Variants in SLFN5 observed in about 807,000 individuals in gnomAD.
SLFN5 encodes schlafen family member 5.
Under a neutral mutation model 48.5 loss-of-function variants are expected in SLFN5, and 34 were observed. The observed-to-expected ratio is 0.70, with a 90% CI of 0.53 to 0.93. The LOEUF is 0.93. Ranked by LOEUF, SLFN5 falls within the 40% of genes least tolerant of loss-of-function variation. The pLI is 0.00. For synonymous variants in SLFN5, 387 were observed against 396.2 expected (o/e 0.98, Z 0.28); for missense variants, 1,006 against 1,071.3 (o/e 0.94, Z 0.85).
At chr17:35,252,971 A>T (rs2092445792) in intron 1 of SLFN5, among the ~76,000 whole-genome samples, 1 of 151,934 alleles carries the variant, frequency 6.6e-6, no homozygotes, top group South Asian at 2.1e-4. Flanking sequence ...CTCTCATTTT[A>T]GATATTGTCT....
chr17:35,265,202 A>G lies in SLFN5; in HGVS notation c.1990A>G (p.Lys664Glu), dbSNP rs1321520106. ...FRTEDGDWYGKAKFITQTARD... is the reference protein window; with the variant it reads ...FRTEDGDWYGEAKFITQTARD... The stretch of plus-strand genomic sequence containing the variant: ...TACTGAAGATGGGGACTGGTATGGG[A>G]AAGCAAAGTTCATCACTCAGACAGC... The change falls in exon 5 of 5, where the codon AAA becomes GAA. Residue 664 changes from lysine to glutamate, a missense_variant. By Grantham distance (56) the Lys-to-Glu change is moderately conservative (BLOSUM62 1). Coordinates refer to ENST00000299977, the MANE Select transcript of SLFN5 (RefSeq NM_144975.4). The G allele has an allele frequency of 5.0e-6, 8 of 1,614,090 alleles. No individual in the cohort carries two copies. The highest frequency in any genetic ancestry group is 1.1e-5 in the South Asian group (1 of 91,090).
At chr17:35,247,396 A>G (rs1478883815) in intron 1 of SLFN5, among the ~76,000 whole-genome samples, 1 of 152,140 alleles carries the variant, frequency 6.6e-6, no homozygotes, top group African/African-American at 2.4e-5. Flanking sequence ...GTTCTCATCC[A>G]GGCAGACTTC....
intron 1 of SLFN5, among the ~76,000 whole-genome samples, chr17:35,254,069 A>G (rs1431519787): frequency 6.6e-6 from 1 of 152,142 alleles, no homozygotes; most frequent in East Asian, 1.9e-4. Context: ...ATCATTTTTT[A>G]TCAGAACAAT....
In SLFN5 at chr17:35,258,993, A is replaced by G. The variant is rs1904433633; in HGVS notation, c.303A>G (p.Ser101=). The change falls in exon 2 of 5, where the codon TCA becomes TCG. Residue 101 remains serine (S), a synonymous_variant. Coordinates refer to ENST00000299977, the MANE Select transcript of SLFN5 (RefSeq NM_144975.4). The part of the protein sequence containing the change: ...KENHFLIFVK[S]WNTEAGVPLA... ...ACCACTTTTTGATTTTTGTGAAATC[A>G]TGGAACACAGAGGCTGGTGTGCCAC... 2 of 1,614,120 alleles carry G rather than the reference A, an allele frequency of 1.2e-6. No individual in the cohort carries two copies. The highest frequency in any genetic ancestry group is 1.3e-5 in the African/African-American group (1 of 74,946).
chr17:35,243,351 C>T (rs908429408), intron 1 of SLFN5, among the ~76,000 whole-genome samples: 1 of 152,264 alleles, frequency 6.6e-6, no homozygotes, highest in Admixed American at 6.5e-5. Flanking sequence ...GGCAGAGGAC[C>T]CGGGAGCTGG....
At position 35,259,439 on chromosome 17, in the gene SLFN5, G is replaced by T; in HGVS notation, c.749G>T (p.Ser250Ile). 1 of 1,614,202 alleles carries T rather than the reference G, an allele frequency of 6.2e-7. No homozygotes were observed. Among genetic ancestry groups the T allele is most frequent in the Non-Finnish European group, 8.5e-7 (1 of 1,180,036 alleles). ...GAAAAAGAGAAAATAGACCTTACGA[G>T]CTTGAGGGCTTCTATTGATGGCTGT... ...GCEKEKIDLT[S>I]LRASIDGCIK... is the part of the protein sequence containing the mutation. Residue 250 changes from serine to isoleucine, a missense_variant, in exon 2 of 5, where the codon AGC becomes ATC. Coordinates refer to ENST00000299977, the MANE Select transcript of SLFN5 (RefSeq NM_144975.4).
chr17:35,265,936 T>TAAC lies in SLFN5; in HGVS notation c.*49_*51dup. 1 of 1,512,258 alleles carries TAAC rather than the reference T, an allele frequency of 6.6e-7. No individual in the cohort carries two copies. The highest frequency in any genetic ancestry group is 1.3e-5 in the South Asian group (1 of 75,982). The allele number at this position is 1,512,258 out of a possible 1,614,324, so 93.7% of individuals were successfully genotyped here. A position where few individuals can be genotyped will look rare whatever the true frequency, so the allele number is the denominator to read the frequency against. On this transcript the variant is annotated 3_prime_UTR_variant, in exon 5 of 5. Transcript: ENST00000299977. Reference sequence around the variant, plus strand: ...CAATTAAGTGGTTCTCATCTCTAATTAACTGTGAAACCATTTAATCCAAAC... The same window carrying TAAC: ...CAATTAAGTGGTTCTCATCTCTAATTAACAACTGTGAAACCATTTAATCCAAAC...
At chr17:35,254,704 G>A (rs560138903) in intron 1 of SLFN5, among the ~76,000 whole-genome samples, 6 of 151,518 alleles carry the variant, frequency 4.0e-5, no homozygotes, top group Non-Finnish European at 7.4e-5. Context: ...TTCCTTCTGC[G>A]TACATGTTGA....
At chr17:35,255,490 C>A (rs2092452141) in intron 1 of SLFN5, among the ~76,000 whole-genome samples, 1 of 152,150 alleles carries the variant, frequency 6.6e-6, no homozygotes, top group African/African-American at 2.4e-5. Context: ...GGTGTTTTAG[C>A]GGAATCTAAT....
chr17:35,256,943 C>T (rs946697246), intron 1 of SLFN5, among the ~76,000 whole-genome samples: 1 of 152,100 alleles, frequency 6.6e-6, no homozygotes, highest in Non-Finnish European at 1.5e-5. Context: ...TGCCTCCTGT[C>T]GTATCAGCGG....
Position 35,265,609 on chromosome 17 carries a change from A to T in SLFN5, c.2397A>T (p.Glu799Asp). ...DIAVLFTKAS[E>D]VEKYKDRLLT... is the part of the protein sequence containing the mutation. ...CTGTGCTTTTCACCAAAGCAAGTGAAGTGGAAAAATATAAAGACAGGCTTC... is the reference window on the plus strand; with the variant it reads ...CTGTGCTTTTCACCAAAGCAAGTGATGTGGAAAAATATAAAGACAGGCTTC... The change falls in exon 5 of 5, where the codon GAA (glutamate) becomes GAT (aspartate). Residue 799 changes from glutamate (E) to aspartate (D), a missense_variant. Transcript: ENST00000299977. 6.2e-7 allele frequency: 1 copy of T among 1,614,240 alleles called. No homozygotes were observed.
intron 3 of SLFN5, among the ~76,000 whole-genome samples, chr17:35,263,456 G>A (rs1414125836): frequency 6.6e-6 from 1 of 152,138 alleles, no homozygotes; most frequent in Non-Finnish European, 1.5e-5. Context: ...GTCCCTGAGT[G>A]TTAGTCATGT....
In SLFN5 at chr17:35,271,831, A is replaced by G. The variant is rs184873737; in HGVS notation, c.*5943A>G. 6.6e-6 allele frequency: 1 copy of G among 152,278 alleles called. No homozygotes were observed. The highest frequency in any genetic ancestry group is 2.4e-5 in the African/African-American group (1 of 41,538). The allele number at this position is 152,278 out of a possible 1,614,324, so 9.4% of individuals were successfully genotyped here. ...GATTGCCTGAGTCCAGGAGTTCCAGACCAGCCTGGACAACATGGTGAAATC... is the reference window on the plus strand; with the variant it reads ...GATTGCCTGAGTCCAGGAGTTCCAGGCCAGCCTGGACAACATGGTGAAATC... On this transcript the variant is annotated 3_prime_UTR_variant, in exon 5 of 5. Transcript: ENST00000299977.
At chr17:35,257,958 T>A (rs1320501230) in intron 1 of SLFN5, among the ~76,000 whole-genome samples, 3 of 152,244 alleles carry the variant, frequency 2.0e-5, no homozygotes, top group African/African-American at 7.2e-5. Context: ...TTCTCATTGC[T>A]TTCCAGCTCC....
chr17:35,260,931 GC>G, intron 2 of SLFN5, 39 bp from the exon 3 acceptor site: 1 of 1,608,804 alleles, frequency 6.2e-7, no homozygotes, highest in Non-Finnish European at 8.5e-7. Context: ...GTTGGGGTCT[GC>G]CTTTTTGCAT....
At position 35,258,933 on chromosome 17, in the gene SLFN5, T is replaced by A; in HGVS notation, c.243T>A (p.Ile81=). Residue 81 remains isoleucine (I), a synonymous_variant, in exon 2 of 5, where the codon ATT becomes ATA. Coordinates refer to ENST00000299977, the MANE Select transcript of SLFN5 (RefSeq NM_144975.4). ...GAGTAGGATTGGATGTGCCTCCAAT[T>A]TTCAGAAGCCATTTAGATAAGATGC... is the stretch of plus-strand genomic sequence containing the variant. ...RHGVGLDVPP[I]FRSHLDKMQK... 1 of 1,614,214 alleles carries A rather than the reference T, an allele frequency of 6.2e-7. No homozygotes were observed.
chr17:35,260,397 C>T (rs1289992451), intron 2 of SLFN5, among the ~76,000 whole-genome samples: 1 of 152,166 alleles, frequency 6.6e-6, no homozygotes, highest in East Asian at 1.9e-4. Flanking sequence ...TTTGCATCTT[C>T]TCATCATTTT....
intron 1 of SLFN5, among the ~76,000 whole-genome samples, chr17:35,254,983 C>T (rs923836775): frequency 1.3e-5 from 2 of 152,216 alleles, no homozygotes; most frequent in Admixed American, 6.5e-5. Flanking sequence ...CACCACTGCA[C>T]TACAGCCTGG....
chr17:35,252,906 G>A (rs762063435), intron 1 of SLFN5, among the ~76,000 whole-genome samples: 8 of 151,908 alleles, frequency 5.3e-5, no homozygotes, highest in South Asian at 4.2e-4. Context: ...CTTCTGGCAC[G>A]TGTTTCTGTA....
Sources: gnomAD v4.1 joint callset for allele counts (sites outside exome capture counted in the v4.1 genomes callset) on GRCh38, gnomAD v4.1.1 for gene constraint, MANE v1.5 for transcripts, NCBI Gene and HGNC (gene_info 2026-07-23, HGNC 2026-07-21) for gene names.